Variants in GPM6A observed in about 807,000 individuals in gnomAD.
The protein encoded by GPM6A is glycoprotein M6A, also known as neuronal membrane glycoprotein M6-a.
GPM6A carries 7 observed loss-of-function variants against 32.1 expected under a neutral mutation model. That is an observed-to-expected ratio of 0.22 (90% CI 0.12 to 0.41). The LOEUF (loss-of-function observed/expected upper bound fraction) is 0.41, where lower values mean the gene tolerates loss of function less well. GPM6A is among the 10% of genes least tolerant of loss of function. The pLI is 1.00. For synonymous variants in GPM6A, 130 were observed against 123.4 expected, an observed-to-expected ratio of 1.05 and a Z score of -0.35; for missense variants, 235 against 347.2, an observed-to-expected ratio of 0.68 and a Z score of 2.57.
At chr4:175,785,091 T>A (rs913506102) in intron 1 of GPM6A, among the ~76,000 whole-genome samples, 1 of 152,186 alleles carries the variant, frequency 6.6e-6, no homozygotes, top group Admixed American at 6.6e-5. Flanking sequence ...AGAAGTGAAT[T>A]TCTCCCATTT....
chr4:175,834,371 A>G (rs548426663), intron 1 of GPM6A, among the ~76,000 whole-genome samples: 1 of 152,230 alleles, frequency 6.6e-6, no homozygotes, highest in Non-Finnish European at 1.5e-5. Flanking sequence ...GCTTGTTTGC[A>G]TGGGTGGTTA....
intron 1 of GPM6A, among the ~76,000 whole-genome samples, chr4:175,756,645 A>G (rs1162905196): frequency 1.3e-5 from 2 of 152,126 alleles, no homozygotes; most frequent in Non-Finnish European, 2.9e-5. Context: ...GACATATCTA[A>G]TGGGCAGAAT....
chr4:175,699,550 T>A (rs1389353997), intron 2 of GPM6A, among the ~76,000 whole-genome samples: 1 of 152,210 alleles, frequency 6.6e-6, no homozygotes, highest in Non-Finnish European at 1.5e-5. Flanking sequence ...TTAGCGAAGC[T>A]CTCACTTGAT....
chr4:175,880,600 C>A (rs1179155811), intron 1 of GPM6A, among the ~76,000 whole-genome samples: 1 of 152,190 alleles, frequency 6.6e-6, no homozygotes, highest in Admixed American at 6.5e-5. Flanking sequence ...AGAGGGCCTT[C>A]ACATCCCTTG....
At chr4:175,787,635 T>C in intron 1 of GPM6A, 1 of 1,281,668 alleles carries the variant, frequency 7.8e-7, no homozygotes, top group Non-Finnish European at 9.9e-7. Flanking sequence ...CTAATTGCTT[T>C]ACTGACATAA....
chr4:175,794,525 A>G (rs972872911), intron 1 of GPM6A, among the ~76,000 whole-genome samples: 5 of 152,234 alleles, frequency 3.3e-5, no homozygotes, highest in Non-Finnish European at 7.3e-5. Context: ...ACAACTTTGA[A>G]TTCAAGATTA....
chr4:175,804,591 T>C (rs1369514994), intron 1 of GPM6A, among the ~76,000 whole-genome samples: 1 of 152,236 alleles, frequency 6.6e-6, no homozygotes, highest in Non-Finnish European at 1.5e-5. Flanking sequence ...CATTAGACAC[T>C]GCATATGAAA....
intron 1 of GPM6A, among the ~76,000 whole-genome samples, chr4:175,772,726 A>G (rs958211056): frequency 4.6e-5 from 7 of 152,130 alleles, no homozygotes; most frequent in African/African-American, 1.7e-4. Context: ...CCTTGTCTCT[A>G]TTTATTACAA....
At chr4:175,713,227 G>T (rs1579416201) in intron 1 of GPM6A, among the ~76,000 whole-genome samples, 1 of 150,940 alleles carries the variant, frequency 6.6e-6, no homozygotes, top group East Asian at 1.9e-4. Flanking sequence ...ATTTAAGAGG[G>T]AGTCTCACTC....
intron 1 of GPM6A, among the ~76,000 whole-genome samples, chr4:175,801,368 A>ATAT (rs58184949): frequency 0.97 from 147,126 of 151,956 alleles, 71,444 homozygotes; most frequent in Non-Finnish European, 1. Context: ...ATAGGTAATA[A>ATAT]TATAGGTATA....
At chr4:175,737,755 G>A (rs955525833) in intron 1 of GPM6A, among the ~76,000 whole-genome samples, 23 of 152,084 alleles carry the variant, frequency 1.5e-4, no homozygotes, top group Admixed American at 1.2e-3. Flanking sequence ...GAAGGGCGAA[G>A]GGGAGCAGAT....
At chr4:175,951,307 C>T (rs893559270) in intron 1 of GPM6A, among the ~76,000 whole-genome samples, 1 of 152,064 alleles carries the variant, frequency 6.6e-6, no homozygotes, top group Non-Finnish European at 1.5e-5. Context: ...AAGAACCATA[C>T]ATTATGATTT....
At chr4:175,823,275 A>T (rs966368686) in intron 1 of GPM6A, among the ~76,000 whole-genome samples, 1 of 152,206 alleles carries the variant, frequency 6.6e-6, no homozygotes, top group East Asian at 1.9e-4. Context: ...TTCAGTTTTG[A>T]GTAAAGGCTT....
intron 1 of GPM6A, among the ~76,000 whole-genome samples, chr4:175,723,372 C>T (rs570952282): frequency 6.6e-6 from 1 of 152,072 alleles, no homozygotes; most frequent in African/African-American, 2.4e-5. Flanking sequence ...GGGTTTTCTC[C>T]CTATTTTCTC....
chr4:175,677,423 C>A (rs973409116), intron 2 of GPM6A, among the ~76,000 whole-genome samples: 2 of 151,800 alleles, frequency 1.3e-5, no homozygotes, highest in Non-Finnish European at 2.9e-5. Flanking sequence ...TGGCATAAGA[C>A]AAAAACCTCT....
At chr4:175,762,614 T>C (rs777979129) in intron 1 of GPM6A, among the ~76,000 whole-genome samples, 20 of 152,278 alleles carry the variant, frequency 1.3e-4, no homozygotes, top group East Asian at 7.7e-4. Flanking sequence ...TAAAATATTA[T>C]TCATGAATGT....
intron 1 of GPM6A, among the ~76,000 whole-genome samples, chr4:175,913,472 C>T (rs941288308): frequency 6.6e-5 from 10 of 152,154 alleles, no homozygotes; most frequent in Non-Finnish European, 1.2e-4. Flanking sequence ...TGCCTTTGCT[C>T]ACAACCCTGC....
intron 1 of GPM6A, among the ~76,000 whole-genome samples, chr4:175,824,567 T>C (rs1450604030): frequency 6.6e-6 from 1 of 152,200 alleles, no homozygotes; most frequent in Non-Finnish European, 1.5e-5. Context: ...ATGTCTGATA[T>C]CCATTTCCCC....
intron 2 of GPM6A, among the ~76,000 whole-genome samples, chr4:175,697,147 A>G (rs1234366344): frequency 6.6e-6 from 1 of 152,190 alleles, no homozygotes; most frequent in African/African-American, 2.4e-5. Flanking sequence ...GGGCATGCTT[A>G]TGAGTAAGAC....
Sources: allele counts gnomAD v4.1 joint callset (sites outside exome capture counted in the v4.1 genomes callset), GRCh38; gene constraint gnomAD v4.1.1; transcripts MANE v1.5; gene names NCBI Gene and HGNC (gene_info 2026-07-23, HGNC 2026-07-21).